The following VIT variants were observed in gnomAD, a reference collection of about 807,000 sequenced individuals.
VIT encodes the protein vitrin.
VIT carries 99 observed loss-of-function variants against 78.0 expected under a neutral mutation model. The ratio of observed to expected loss-of-function variants is 1.27; its 90% CI spans 1.08 to 1.50. The LOEUF (loss-of-function observed/expected upper bound fraction) is 1.50, where lower values mean the gene tolerates loss of function less well. Among genes scored for constraint, VIT ranks in the 40% most tolerant of loss-of-function variants. The pLI is 0.00. For synonymous variants in VIT, 374 were observed against 334.3 expected (o/e 1.12, Z -1.29); for missense variants, 1,126 against 875.3 (o/e 1.29, Z -3.61).
intron 3 of VIT, among the ~76,000 whole-genome samples, chr2:36,734,678 G>A (rs910085500): frequency 5.3e-5 from 8 of 152,278 alleles, no homozygotes; most frequent in East Asian, 1.9e-4. Flanking sequence ...TACTCATGGG[G>A]TTCCCACTGA....
chr2:36,723,712 T>C (rs1666652718), intron 2 of VIT, among the ~76,000 whole-genome samples: 2 of 152,090 alleles, frequency 1.3e-5, no homozygotes, highest in Non-Finnish European at 2.9e-5. Flanking sequence ...TTTTAGTATT[T>C]AATATGCTTC....
At chr2:36,761,737 C>A (rs1354967378) in intron 6 of VIT, among the ~76,000 whole-genome samples, 1 of 151,256 alleles carries the variant, frequency 6.6e-6, no homozygotes, top group African/African-American at 2.4e-5. Context: ...GAGACTCCAT[C>A]TAAAAAAAAA....
intron 1 of VIT, among the ~76,000 whole-genome samples, chr2:36,714,947 T>C (rs1448960171): frequency 1.3e-5 from 2 of 152,198 alleles, no homozygotes; most frequent in African/African-American, 4.8e-5. Flanking sequence ...AGAAACTCCC[T>C]TATGGATCAT....
At chr2:36,802,947 A>T (rs2148668735) in intron 13 of VIT, among the ~76,000 whole-genome samples, 1 of 152,336 alleles carries the variant, frequency 6.6e-6, no homozygotes. Context: ...CTTCCTGCAG[A>T]AGTAGGACCT....
rs141332818 is a variant in VIT, at chr2:36,704,551, T to C, written c.-19+7578T>C. 2.5e-3 allele frequency among the ~76,000 whole-genome samples: 383 copies of C among 152,294 alleles called. 1 individual carries two copies. Among genetic ancestry groups the C allele is most frequent in the African/African-American group, 8.7e-3 (363 of 41,570 alleles). On this transcript the variant is annotated intron_variant, in intron 1 of 15. Coordinates refer to ENST00000379242, the MANE Select transcript of VIT (RefSeq NM_053276.4). ...CAGGGATTGTTCCCAGGAAGGCCTC[T>C]GAAGTAGGACATTAGGTGGTTGCCT... is the stretch of plus-strand genomic sequence containing the variant.
At chr2:36,697,472 C>T (rs1376251654) in intron 1 of VIT, among the ~76,000 whole-genome samples, 1 of 152,134 alleles carries the variant, frequency 6.6e-6, no homozygotes, top group Non-Finnish European at 1.5e-5. Flanking sequence ...AGACAGATTT[C>T]AGTGGAATGT....
At chr2:36,794,770 G>A (rs59579324) in intron 12 of VIT, among the ~76,000 whole-genome samples, 14,248 of 152,024 alleles carry the variant, frequency 0.094, 1,981 homozygotes, top group African/African-American at 0.31. Context: ...CCAACCTTTC[G>A]ATCTATTTAA....
At chr2:36,804,155 A>T (rs1261426681) in intron 13 of VIT, among the ~76,000 whole-genome samples, 2 of 152,204 alleles carry the variant, frequency 1.3e-5, no homozygotes, top group African/African-American at 2.4e-5. Context: ...GTAGCACTTC[A>T]TGGCTGCTGC....
intron 14 of VIT, among the ~76,000 whole-genome samples, chr2:36,805,945 G>T (rs1284154010): frequency 6.6e-6 from 1 of 151,998 alleles, no homozygotes; most frequent in Non-Finnish European, 1.5e-5. Flanking sequence ...CACCCAGGCA[G>T]CCCAAGGAGC....
At chr2:36,704,285 C>A (rs1035337380) in intron 1 of VIT, among the ~76,000 whole-genome samples, 1 of 152,116 alleles carries the variant, frequency 6.6e-6, no homozygotes, top group African/African-American at 2.4e-5. Context: ...TGAATGGGTG[C>A]AATAGTCCTT....
At chr2:36,722,120 T>C (rs1440293776) in intron 2 of VIT, among the ~76,000 whole-genome samples, 1 of 152,242 alleles carries the variant, frequency 6.6e-6, no homozygotes, top group African/African-American at 2.4e-5. Context: ...ATTAAGTGTT[T>C]AATGTGTTTA....
At chr2:36,726,818 CAAAAAAA>C (rs758452109) in intron 2 of VIT, among the ~76,000 whole-genome samples, 1 of 111,608 alleles carries the variant, frequency 9.0e-6, no homozygotes, top group Admixed American at 9.5e-5. Flanking sequence ...GACTCTGTCT[CAAAAAAA>C]AAAAAAAAAA....
intron 3 of VIT, among the ~76,000 whole-genome samples, chr2:36,735,775 T>G (rs752694721): frequency 1.3e-5 from 2 of 152,234 alleles, no homozygotes; most frequent in Non-Finnish European, 2.9e-5. Flanking sequence ...TCTCCATCAC[T>G]CTTTGGGCTG....
At chr2:36,777,967 T>C (rs1291660272) in intron 9 of VIT, among the ~76,000 whole-genome samples, 2 of 152,198 alleles carry the variant, frequency 1.3e-5, no homozygotes, top group East Asian at 3.8e-4. Flanking sequence ...GTGGACCTGA[T>C]GATGCTGTCA....
At chr2:36,774,360 A>C (rs961643994) in intron 8 of VIT, among the ~76,000 whole-genome samples, 1 of 152,214 alleles carries the variant, frequency 6.6e-6, no homozygotes, top group Non-Finnish European at 1.5e-5. Flanking sequence ...GGAATCCAGC[A>C]AATTCTCTTC....
At position 36,753,285 on chromosome 2, in the gene VIT, A is replaced by G. The variant is rs143754530; in HGVS notation, c.276-1636A>G. ...GGCCGAATACCCAGGTGATGGGATG[A>G]TCTGTGCAGCAAAAACACCATGGCA... On this transcript the variant is annotated intron_variant, in intron 4 of 15. Transcript: ENST00000379242. Among the ~76,000 whole-genome samples, 1,265 of 152,180 alleles carry G rather than the reference A, an allele frequency of 8.3e-3. 11 individuals carry two copies. Among genetic ancestry groups the G allele is most frequent in the African/African-American group, 0.029 (1,186 of 41,516 alleles).
In VIT at chr2:36,805,664, G is replaced by C. The variant is rs760162630; in HGVS notation, c.1389G>C (p.Lys463Asn). 1 of 1,611,290 alleles carries C rather than the reference G, an allele frequency of 6.2e-7. No homozygotes were observed. The highest frequency in any genetic ancestry group is 1.1e-5 in the South Asian group (1 of 90,872). The change falls in exon 14 of 16, where the codon AAG becomes AAC. Residue 463 changes from lysine to asparagine, a missense_variant and splice_region_variant. Lys to Asn is a moderately conservative substitution (Grantham distance 94). Coordinates refer to ENST00000379242, the MANE Select transcript of VIT (RefSeq NM_053276.4). ...TGGTGGAGCCCAACTTTGCAAACAA[G>C]GTAGATGACTGCCCGGAGACCTACC... ...QYVVEPNFAN[K>N]AVCRTNGFYS...
chr2:36,742,527 G>C (rs1478503932), intron 3 of VIT, among the ~76,000 whole-genome samples: 1 of 152,174 alleles, frequency 6.6e-6, no homozygotes. Context: ...CTGTCCAGAA[G>C]TCTTTCATTG....
At chr2:36,765,938 A>G (rs1669401612) in intron 6 of VIT, among the ~76,000 whole-genome samples, 1 of 152,272 alleles carries the variant, frequency 6.6e-6, no homozygotes, top group Non-Finnish European at 1.5e-5. Flanking sequence ...ACACAGGGAC[A>G]GAAGCTGGCA....
Sources: allele counts gnomAD v4.1 joint callset (sites outside exome capture counted in the v4.1 genomes callset), GRCh38; gene constraint gnomAD v4.1.1; transcripts MANE v1.5; gene names NCBI Gene and HGNC (gene_info 2026-07-23, HGNC 2026-07-21).